The following CCDC122 variants were observed in gnomAD, a reference collection of about 807,000 sequenced individuals.
CCDC122 encodes coiled-coil domain-containing protein 122.
In CCDC122, 38 loss-of-function variants were observed where a neutral mutation model predicts 37.0. That is an observed-to-expected ratio of 1.03 (90% CI 0.79 to 1.35). The LOEUF (loss-of-function observed/expected upper bound fraction) is 1.35. Among genes scored for constraint, CCDC122 ranks in the 40% most tolerant of loss-of-function variants. CCDC122 has a pLI of 0.00. For missense variants in CCDC122, 305 were observed against 310.0 expected (o/e 0.98, Z 0.12); for synonymous variants, 83 against 95.6 (o/e 0.87, Z 0.77).
downstream of CCDC122, among the ~76,000 whole-genome samples, chr13:43,834,132 C>G (rs1043242279): frequency 6.6e-6 from 1 of 152,232 alleles, no homozygotes; most frequent in East Asian, 1.9e-4. Flanking sequence ...TGGAACAGAA[C>G]AGAGCCCTCA....
intron 4 of CCDC122, among the ~76,000 whole-genome samples, chr13:43,868,274 G>T (rs766705460): frequency 4.6e-5 from 7 of 152,040 alleles, no homozygotes; most frequent in Non-Finnish European, 1.0e-4. Context: ...CCTGCAGTAG[G>T]ATTATCAATA....
At chr13:43,873,151 C>G (rs1954500685) in intron 2 of CCDC122, among the ~76,000 whole-genome samples, 1 of 152,124 alleles carries the variant, frequency 6.6e-6, no homozygotes, top group Non-Finnish European at 1.5e-5. Context: ...GCTCGGTCCT[C>G]AGGCTTCCTT....
chr13:43,845,181 C>T (rs1364227103), intron 6 of CCDC122, among the ~76,000 whole-genome samples: 1 of 152,036 alleles, frequency 6.6e-6, no homozygotes, highest in Non-Finnish European at 1.5e-5. Flanking sequence ...ATTCTCTTAA[C>T]TTATCACAAT....
chr13:43,862,907 TGAGAATTAC>T (rs1954157044), intron 4 of CCDC122, among the ~76,000 whole-genome samples: 1 of 151,902 alleles, frequency 6.6e-6, no homozygotes, highest in Non-Finnish European at 1.5e-5. Flanking sequence ...TGCCCTTACA[TGAGAATTAC>T]GTTATTTTTT....
At chr13:43,866,660 T>C (rs925868155) in intron 4 of CCDC122, among the ~76,000 whole-genome samples, 1 of 152,232 alleles carries the variant, frequency 6.6e-6, no homozygotes, top group Non-Finnish European at 1.5e-5. Flanking sequence ...TTTGTCAAAT[T>C]TGCCCCTAAG....
In CCDC122 at chr13:43,868,705, A is replaced by G; in HGVS notation, c.145T>C (p.Phe49Leu). 1 of 1,547,488 alleles carries G rather than the reference A, an allele frequency of 6.5e-7. No individual in the cohort carries two copies. Among genetic ancestry groups the G allele is most frequent in the Admixed American group, 1.9e-5 (1 of 52,146 alleles). The change falls in exon 4 of 7, where the codon TTC (phenylalanine) becomes CTC (leucine). Residue 49 changes from phenylalanine to leucine, a missense_variant. Coordinates refer to ENST00000444614, the MANE Select transcript of CCDC122 (RefSeq NM_144974.5). ...SEIEKNKKVL[F>L]NLKNELHELE... ...TATAAAGAAGTTACCTTCAAATTGA[A>G]CAGAACCTTTTTGTTTTTTTCTATC... is the stretch of plus-strand genomic sequence containing the variant.
chr13:43,865,667 G>A (rs1954253206), intron 4 of CCDC122, among the ~76,000 whole-genome samples: 2 of 152,106 alleles, frequency 1.3e-5, no homozygotes, highest in South Asian at 4.1e-4. Context: ...GTTTCACCAT[G>A]TTGGCCAGGC....
chr13:43,820,964 T>C (rs17065087), downstream of CCDC122, among the ~76,000 whole-genome samples: 9,982 of 152,290 alleles, frequency 0.066, 718 homozygotes, highest in African/African-American at 0.18. Flanking sequence ...TTTAGAACAA[T>C]GTTTGATATC....
chr13:43,859,304 T>A (rs940052369), intron 5 of CCDC122, among the ~76,000 whole-genome samples: 1 of 152,150 alleles, frequency 6.6e-6, no homozygotes, highest in African/African-American at 2.4e-5. Context: ...ATAACACCAT[T>A]AAGTGTACTA....
chr13:43,820,446 T>G (rs961417732), downstream of CCDC122, among the ~76,000 whole-genome samples: 9 of 152,056 alleles, frequency 5.9e-5, no homozygotes, highest in Admixed American at 4.6e-4. Context: ...AAACTTGGGG[T>G]TTTGCCGAAA....
intron 1 of CCDC122, chr13:43,878,110 T>G (rs942216461): frequency 6.6e-6 from 1 of 152,174 alleles, no homozygotes; most frequent in Non-Finnish European, 1.5e-5. Flanking sequence ...ATTTTTTTTT[T>G]ACTGCCACTA....
At chr13:43,860,108 A>T in intron 4 of CCDC122, 38 bp from the exon 5 acceptor site, 1 of 1,111,508 alleles carries the variant, frequency 9.0e-7, no homozygotes, top group Non-Finnish European at 1.2e-6. Flanking sequence ...TTAATTCAAA[A>T]TATTAAACAT....
At chr13:43,830,520 C>T (rs1375598204) in intron 3 of CCDC122, among the ~76,000 whole-genome samples, 1 of 152,080 alleles carries the variant, frequency 6.6e-6, no homozygotes, top group African/African-American at 2.4e-5. Context: ...AGGAAAGTCC[C>T]TTTAAGGGTA....
chr13:43,820,264 A>G (rs1952984052), downstream of CCDC122, among the ~76,000 whole-genome samples: 1 of 152,164 alleles, frequency 6.6e-6, no homozygotes, highest in South Asian at 2.1e-4. Context: ...GATAGTGACA[A>G]CCTAGTTTTG....
At position 43,841,567 on chromosome 13, in the gene CCDC122, T is replaced by C. The variant is rs79171315; in HGVS notation, c.673-4138A>G. On this transcript the variant is annotated intron_variant, in intron 6 of 6. Coordinates refer to ENST00000444614, the MANE Select transcript of CCDC122 (RefSeq NM_144974.5). ...TTTTGTTAAGTTCTGTTCAAATCTTTAGCCCATTTTTAAAAAAATGACTGT... is the reference window on the plus strand; with the variant it reads ...TTTTGTTAAGTTCTGTTCAAATCTTCAGCCCATTTTTAAAAAAATGACTGT... 7.4e-4 allele frequency among the ~76,000 whole-genome samples: 113 copies of C among 152,378 alleles called. 2 individuals carry two copies. In the East Asian group the frequency reaches 0.02, roughly 27 times the overall value.
chr13:43,877,345 G>C (rs1415482242), intron 1 of CCDC122, among the ~76,000 whole-genome samples: 2 of 152,136 alleles, frequency 1.3e-5, no homozygotes, highest in Non-Finnish European at 2.9e-5. Flanking sequence ...TTAGAATACA[G>C]TTTAAGGTAT....
At chr13:43,834,282 TC>T (rs1953118667), downstream of CCDC122, among the ~76,000 whole-genome samples, 2 of 152,124 alleles carry the variant, frequency 1.3e-5, no homozygotes, top group Admixed American at 1.3e-4. Flanking sequence ...CTGGATCCCA[TC>T]CTTACACCTT....
At chr13:43,862,471 T>G (rs1485896350) in intron 4 of CCDC122, among the ~76,000 whole-genome samples, 1 of 152,186 alleles carries the variant, frequency 6.6e-6, no homozygotes, top group Non-Finnish European at 1.5e-5. Context: ...CCTCCTCTAG[T>G]TACTCTCTAC....
intron 4 of CCDC122, among the ~76,000 whole-genome samples, chr13:43,863,675 TTGTGTGTGTGTG>T (rs55637761): frequency 2.7e-5 from 4 of 149,380 alleles, no homozygotes; most frequent in African/African-American, 9.9e-5. Context: ...TTCTAGTGGG[TTGTGTGTGTGTG>T]TGTGTGTGTG....
Sources: allele counts gnomAD v4.1 joint callset (sites outside exome capture counted in the v4.1 genomes callset), GRCh38; gene constraint gnomAD v4.1.1; transcripts MANE v1.5; gene names NCBI Gene and HGNC (gene_info 2026-07-23, HGNC 2026-07-21).